The following TOM1L2 variants were observed in gnomAD, a reference collection of about 807,000 sequenced individuals.
TOM1L2 encodes target of myb1 like 2 membrane trafficking protein, also known as TOM1-like protein 2.
TOM1L2 carries 31 observed loss-of-function variants against 67.9 expected under a neutral mutation model. That is an observed-to-expected ratio of 0.46 (90% CI 0.34 to 0.62). The LOEUF (loss-of-function observed/expected upper bound fraction) is 0.62. TOM1L2 is among the 20% of genes least tolerant of loss of function. The pLI is 0.01. For synonymous variants in TOM1L2, 256 were observed against 254.0 expected, an observed-to-expected ratio of 1.01 and a Z score of -0.07; for missense variants, 606 against 663.5, an observed-to-expected ratio of 0.91 and a Z score of 0.95.
intron 1 of TOM1L2, among the ~76,000 whole-genome samples, chr17:17,953,975 T>C (rs1598401663): frequency 1.3e-5 from 2 of 152,342 alleles, no homozygotes; most frequent in East Asian, 1.9e-4. Context: ...GGGCAAGCAT[T>C]GTTCATCTTT....
intron 1 of TOM1L2, among the ~76,000 whole-genome samples, chr17:17,952,376 C>CTTTTTTTTTTTTTTTTTT (rs60388742): frequency 2.5e-5 from 2 of 79,918 alleles, no homozygotes; most frequent in African/African-American, 4.4e-5. Flanking sequence ...TCTTTATTTT[C>CTTTTTTTTTTTTTTTTTT]TTTTTTTTTT....
chr17:17,955,256 G>A (rs534993636), intron 1 of TOM1L2, among the ~76,000 whole-genome samples: 13 of 151,672 alleles, frequency 8.6e-5, no homozygotes, highest in African/African-American at 3.1e-4. Flanking sequence ...GGTGGTCACC[G>A]GCAGAGGGCC....
At chr17:17,913,970 C>T (rs556314681) in intron 1 of TOM1L2, among the ~76,000 whole-genome samples, 1 of 152,262 alleles carries the variant, frequency 6.6e-6, no homozygotes, top group Admixed American at 6.5e-5. Context: ...AGGGGAGAGA[C>T]TACTACCCCC....
Position 17,937,302 on chromosome 17 carries a change from C to G in TOM1L2, c.53-29771G>C, listed in dbSNP as rs2040548570. ...CTACTGTAATCCTATTCAAGGAACA[C>G]CGACATTTTTATTTTTATCTTTGAT... On this transcript the variant is annotated intron_variant, in intron 1 of 14. Transcript: ENST00000379504. Among the ~76,000 whole-genome samples the G allele has an allele frequency of 3.3e-5, 5 of 152,312 alleles. No homozygotes were observed. The South Asian group carries it at 1.0e-3, about 32-fold the overall frequency.
chr17:17,970,350 C>T (rs1227908106), intron 1 of TOM1L2, among the ~76,000 whole-genome samples: 3 of 152,170 alleles, frequency 2.0e-5, no homozygotes, highest in Non-Finnish European at 4.4e-5. Flanking sequence ...AGGCGTGAGC[C>T]ACCGCACCCA....
intron 1 of TOM1L2, among the ~76,000 whole-genome samples, chr17:17,945,244 A>C (rs376245975): frequency 6.6e-6 from 1 of 151,964 alleles, no homozygotes; most frequent in Non-Finnish European, 1.5e-5. Flanking sequence ...GGAAAGAGCC[A>C]AATGTTTCAC....
intron 12 of TOM1L2, chr17:17,857,906 A>G (rs2036333965): frequency 6.8e-7 from 1 of 1,473,034 alleles, no homozygotes; most frequent in Non-Finnish European, 9.2e-7. Flanking sequence ...TCAATAGCAC[A>G]TATTGTGGAA....
chr17:17,871,895 G>A (rs1246298625), intron 7 of TOM1L2: 1 of 802,580 alleles, frequency 1.2e-6, no homozygotes, highest in East Asian at 1.2e-4. Flanking sequence ...ATTAATAAGA[G>A]GTGAATACGG....
chr17:17,913,093 A>G (rs1475955158), intron 1 of TOM1L2, among the ~76,000 whole-genome samples: 1 of 151,650 alleles, frequency 6.6e-6, no homozygotes, highest in Admixed American at 6.6e-5. Flanking sequence ...AGGCTGAGGC[A>G]GGAGAATCAG....
intron 7 of TOM1L2, among the ~76,000 whole-genome samples, chr17:17,878,901 G>A (rs1383846732): frequency 6.6e-6 from 1 of 151,852 alleles, no homozygotes; most frequent in Non-Finnish European, 1.5e-5. Flanking sequence ...TCTGGGCACT[G>A]GCTCTGGACC....
In TOM1L2 at chr17:17,906,208, AGCCTCGACCTC is replaced by A. The variant is rs1209094501; in HGVS notation, c.137+1228_137+1238del. Among the ~76,000 whole-genome samples the A allele has an allele frequency of 1.0e-4, 15 of 149,648 alleles. No individual in the cohort carries two copies. The South Asian group carries it at 3.2e-3, about 32-fold the overall frequency. ...CAGTGGCATGCTCATGGCTCACTGC[AGCCTCGACCTC>A]CTGGGCTCAAGTGATCCTCCCACCT... is the stretch of plus-strand genomic sequence containing the variant. On this transcript the variant is annotated intron_variant, in intron 2 of 14. Coordinates refer to ENST00000379504, the MANE Select transcript of TOM1L2 (RefSeq NM_001082968.2).
chr17:17,879,144 G>A (rs1451742496), intron 7 of TOM1L2, among the ~76,000 whole-genome samples: 1 of 152,224 alleles, frequency 6.6e-6, no homozygotes, highest in South Asian at 2.1e-4. Context: ...CCTTGGGGGT[G>A]AGGTGCCACT....
Position 17,972,308 on chromosome 17 carries a change from C to G in TOM1L2, c.6G>C (p.Glu2Asp). 6.4e-7 allele frequency: 1 copy of G among 1,551,488 alleles called. No homozygotes were observed. Among genetic ancestry groups the G allele is most frequent in the Non-Finnish European group, 8.7e-7 (1 of 1,148,102 alleles). ...TGCTGAACGGGTTCCCCAGGAGGAA[C>G]TCCATCTTGGGTGGACAACACGCAG... MEFLLGNPFSTP... is the reference protein window; with the variant it reads MDFLLGNPFSTP... Residue 2 changes from glutamate (E) to aspartate (D), a missense_variant, in exon 1 of 15, where the codon GAG (glutamate) becomes GAC (aspartate). Glu to Asp is a conservative substitution (Grantham distance 45). This residue lies in a region of TOM1L2 where 63 missense variants were observed against 109.5 expected (regional missense o/e 0.58). Coordinates refer to ENST00000379504, the MANE Select transcript of TOM1L2 (RefSeq NM_001082968.2).
At chr17:17,951,925 G>A (rs184907863) in intron 1 of TOM1L2, among the ~76,000 whole-genome samples, 41 of 152,292 alleles carry the variant, frequency 2.7e-4, no homozygotes, top group African/African-American at 9.6e-4. Context: ...GGGCTCTGTT[G>A]GTGAGGGGCT....
At chr17:17,961,634 G>T (rs929641461) in intron 1 of TOM1L2, among the ~76,000 whole-genome samples, 3 of 152,118 alleles carry the variant, frequency 2.0e-5, no homozygotes, top group Non-Finnish European at 2.9e-5. Context: ...AGCACTTTGG[G>T]AGGCCGAGGC....
At chr17:17,918,040 T>A (rs2039703353) in intron 1 of TOM1L2, among the ~76,000 whole-genome samples, 3 of 152,158 alleles carry the variant, frequency 2.0e-5, no homozygotes, top group Non-Finnish European at 4.4e-5. Context: ...TTCAGCAACG[T>A]TTTATAGTTT....
At chr17:17,931,604 A>G (rs1313583196) in intron 1 of TOM1L2, among the ~76,000 whole-genome samples, 1 of 152,212 alleles carries the variant, frequency 6.6e-6, no homozygotes, top group Admixed American at 6.5e-5. Flanking sequence ...AGGCAATACA[A>G]TGAAGCATCT....
At chr17:17,904,546 G>T (rs533446733) in intron 2 of TOM1L2, among the ~76,000 whole-genome samples, 1 of 152,234 alleles carries the variant, frequency 6.6e-6, no homozygotes, top group Admixed American at 6.5e-5. Flanking sequence ...GCCTGGTTGG[G>T]GTTTTTAACC....
chr17:17,924,180 G>T (rs2039996819), intron 1 of TOM1L2, among the ~76,000 whole-genome samples: 1 of 152,050 alleles, frequency 6.6e-6, no homozygotes. Context: ...CATATTGTAT[G>T]ATTCCATTTA....
Sources: gnomAD v4.1 joint callset for allele counts (sites outside exome capture counted in the v4.1 genomes callset) on GRCh38, gnomAD v4.1.1 for gene constraint, gnomAD v4.1.1 regional missense constraint, MANE v1.5 for transcripts, NCBI Gene and HGNC (gene_info 2026-07-23, HGNC 2026-07-21) for gene names.